The following CABIN1 variants were observed in gnomAD, a reference collection of about 807,000 sequenced individuals.
CABIN1 encodes the protein calcineurin binding protein 1.
A neutral mutation model predicts 227.7 loss-of-function variants in CABIN1; 133 were observed. That is an observed-to-expected ratio of 0.58 (90% CI 0.51 to 0.67). The LOEUF is 0.67. Ranked by LOEUF, CABIN1 falls within the 30% of genes least tolerant of loss-of-function variation. CABIN1 has a pLI of 0.00. For missense variants in CABIN1, 2,408 were observed against 2,852.5 expected (o/e 0.84, Z 3.55); for synonymous variants, 1,086 against 1,155.1 (o/e 0.94, Z 1.21).
At chr22:24,168,355 C>T in intron 32 of CABIN1, 92 bp from the exon 33 acceptor site, 1 of 1,291,032 alleles carries the variant, frequency 7.7e-7, no homozygotes, top group South Asian at 1.3e-5. Flanking sequence ...TGCCCCCTAC[C>T]TAGGCTGGTC....
intron 19 of CABIN1, among the ~76,000 whole-genome samples, chr22:24,079,899 A>G (rs2040697061): frequency 6.6e-6 from 1 of 151,884 alleles, no homozygotes; most frequent in South Asian, 2.1e-4. Flanking sequence ...TTTATGTGGG[A>G]TATCTTTTAA....
intron 1 of CABIN1, among the ~76,000 whole-genome samples, chr22:24,017,039 C>CT (rs767688741): frequency 0.011 from 1,360 of 122,190 alleles, 22 homozygotes; most frequent in South Asian, 0.026. Context: ...TACAATTTAT[C>CT]TTTTTTTTTT....
chr22:24,119,602 C>T lies in CABIN1; in HGVS notation c.4536C>T (p.Cys1512=), dbSNP rs776590024. The T allele has an allele frequency of 6.2e-7, 1 of 1,613,674 alleles. No homozygotes were observed. The highest frequency in any genetic ancestry group is 1.1e-5 in the South Asian group (1 of 91,078). The change falls in exon 28 of 37, where the codon TGC becomes TGT. Residue 1512 remains cysteine, a synonymous_variant. Coordinates refer to ENST00000263119, the MANE Select transcript of CABIN1 (RefSeq NM_012295.4). ...AGCGGCAGTTTCTCACAGAGCAGTG[C>T]ATCGCCTCCTTCCGCCTGTGCCTGA... The part of the protein sequence containing the change: ...EEQRQFLTEQ[C]IASFRLCLSR...
intron 28 of CABIN1, among the ~76,000 whole-genome samples, chr22:24,124,703 A>C (rs2043613211): frequency 6.6e-6 from 1 of 152,026 alleles, no homozygotes; most frequent in Admixed American, 6.6e-5. Context: ...GGCATCAGAC[A>C]CCTCTTGTCA....
intron 20 of CABIN1, among the ~76,000 whole-genome samples, chr22:24,084,327 C>T (rs898713610): frequency 2.0e-5 from 3 of 151,722 alleles, no homozygotes; most frequent in South Asian, 2.1e-4. Context: ...CAACCTCTGC[C>T]GCTCAGGTTC....
chr22:24,017,183 C>T (rs765970185), intron 1 of CABIN1, among the ~76,000 whole-genome samples: 7 of 151,508 alleles, frequency 4.6e-5, no homozygotes, highest in Non-Finnish European at 8.8e-5. Context: ...ACTACAGGCG[C>T]GTGCCACCAT....
At chr22:24,069,064 T>C (rs1350542391) in intron 16 of CABIN1, among the ~76,000 whole-genome samples, 1 of 152,250 alleles carries the variant, frequency 6.6e-6, no homozygotes, top group Non-Finnish European at 1.5e-5. Flanking sequence ...TTGTTTCATT[T>C]AGCTTTTCTC....
At chr22:24,165,399 G>C in intron 30 of CABIN1, 131 bp from the exon 31 acceptor site, 1 of 845,386 alleles carries the variant, frequency 1.2e-6, no homozygotes, top group Non-Finnish European at 2.0e-6. Flanking sequence ...GCCCCAAACA[G>C]GTGGTTAGGT....
At chr22:24,123,200 T>C (rs1327054060) in intron 28 of CABIN1, among the ~76,000 whole-genome samples, 2 of 152,150 alleles carry the variant, frequency 1.3e-5, no homozygotes, top group African/African-American at 4.8e-5. Flanking sequence ...GATGTCAGTA[T>C]CCCCAGACAA....
At chr22:24,115,003 G>A (rs1317549962) in intron 27 of CABIN1, among the ~76,000 whole-genome samples, 3 of 152,196 alleles carry the variant, frequency 2.0e-5, no homozygotes, top group East Asian at 1.9e-4. Flanking sequence ...CTATGCAGTC[G>A]CCAGCCAGTG....
intron 26 of CABIN1, among the ~76,000 whole-genome samples, chr22:24,109,434 T>C (rs2042693648): frequency 6.6e-6 from 1 of 151,986 alleles, no homozygotes; most frequent in Non-Finnish European, 1.5e-5. Context: ...CAGGCTGGTC[T>C]TGAACTGCTG....
At chr22:24,100,115 T>C (rs2042116400) in intron 26 of CABIN1, among the ~76,000 whole-genome samples, 2 of 152,182 alleles carry the variant, frequency 1.3e-5, no homozygotes, top group Non-Finnish European at 2.9e-5. Context: ...CAAATATGGT[T>C]TCAGTGGTTG....
Position 24,067,127 on chromosome 22 carries a change from C to G in CABIN1, c.2178C>G (p.His726Gln). Reference protein sequence around the residue: ...LCTSGFDRAKHLEFMTSIPER... With the variant: ...LCTSGFDRAKQLEFMTSIPER... ...CCAGTGGGTTTGACCGGGCCAAACA[C>G]CTGGAGTTTATGACTTCCATTCCTG... Residue 726 changes from histidine to glutamine, a missense_variant, in exon 16 of 37, where the codon CAC becomes CAG. His to Gln is a conservative substitution (Grantham distance 24). Coordinates refer to ENST00000263119, the MANE Select transcript of CABIN1 (RefSeq NM_012295.4). 6.2e-7 allele frequency: 1 copy of G among 1,614,240 alleles called. No homozygotes were observed. The highest frequency in any genetic ancestry group is 8.5e-7 in the Non-Finnish European group (1 of 1,180,048).
chr22:24,046,875 G>A (rs910915063), intron 6 of CABIN1, among the ~76,000 whole-genome samples: 1 of 151,940 alleles, frequency 6.6e-6, no homozygotes, highest in Non-Finnish European at 1.5e-5. Context: ...TGATGTCTTG[G>A]TTTTAGTGAG....
At chr22:24,133,515 C>T (rs978853478) in intron 28 of CABIN1, among the ~76,000 whole-genome samples, 2 of 152,214 alleles carry the variant, frequency 1.3e-5, no homozygotes, top group Non-Finnish European at 2.9e-5. Context: ...GACAGATTGG[C>T]TGGGACAGTG....
chr22:24,013,966 A>G (rs1025966616), intron 1 of CABIN1, among the ~76,000 whole-genome samples: 11 of 152,204 alleles, frequency 7.2e-5, no homozygotes, highest in African/African-American at 2.7e-4. Flanking sequence ...ATGGAGTCCA[A>G]GATATTGGAA....
intron 8 of CABIN1, among the ~76,000 whole-genome samples, chr22:24,052,488 T>C (rs2038416909): frequency 6.7e-6 from 1 of 148,952 alleles, no homozygotes; most frequent in African/African-American, 2.5e-5. Flanking sequence ...TTTTAAACAA[T>C]GCTTTAAAAA....
intron 34 of CABIN1, chr22:24,175,788 C>A: frequency 2.1e-6 from 1 of 470,062 alleles, no homozygotes; most frequent in South Asian, 2.1e-5. Context: ...CCCATCCCCT[C>A]TCACTGCCTT....
intron 22 of CABIN1, among the ~76,000 whole-genome samples, chr22:24,085,450 G>A (rs1310763043): frequency 6.6e-6 from 1 of 152,214 alleles, no homozygotes; most frequent in African/African-American, 2.4e-5. Flanking sequence ...GCAAGGAGGC[G>A]CAACCTGGCT....
Sources: gnomAD v4.1 joint callset for allele counts (sites outside exome capture counted in the v4.1 genomes callset) on GRCh38, gnomAD v4.1.1 for gene constraint, MANE v1.5 for transcripts, NCBI Gene and HGNC (gene_info 2026-07-23, HGNC 2026-07-21) for gene names.